Variants in CRYBA1 observed in about 807,000 individuals in gnomAD.
CRYBA1 encodes the protein crystallin beta A1, also known as beta-crystallin A3.
In CRYBA1, 25 loss-of-function variants were observed where a neutral mutation model predicts 36.2. That is an observed-to-expected ratio of 0.69 (90% CI 0.50 to 0.97). The LOEUF is 0.97. Among genes scored for constraint, CRYBA1 ranks in the 50% least tolerant of loss-of-function variants. CRYBA1 has a pLI of 0.00. For missense variants in CRYBA1, 224 were observed against 276.3 expected (o/e 0.81, Z 1.34); for synonymous variants, 111 against 90.0 (o/e 1.23, Z -1.32).
At chr17:29,251,796 A>T (rs2068936853) in intron 3 of CRYBA1, among the ~76,000 whole-genome samples, 1 of 152,170 alleles carries the variant, frequency 6.6e-6, no homozygotes, top group Non-Finnish European at 1.5e-5. Flanking sequence ...ATAATTTTAG[A>T]TTGGCTTTGC....
intron 4 of CRYBA1, 64 bp downstream of exon 4, chr17:29,252,269 T>G: frequency 8.8e-6 from 14 of 1,598,016 alleles, no homozygotes; most frequent in Non-Finnish European, 1.2e-5. Context: ...GTGGACAGAC[T>G]GACGTTCATG....
At chr17:29,252,017 C>T (rs760129543) in intron 3 of CRYBA1, 47 bp from the exon 4 acceptor site, 3 of 1,613,974 alleles carry the variant, frequency 1.9e-6, no homozygotes, top group Non-Finnish European at 2.5e-6. Context: ...TCCCCAAGGC[C>T]ATATAGGCTT....
chr17:29,246,981 G>C, intron 1 of CRYBA1, 87 bp downstream of exon 1: 2 of 1,413,696 alleles, frequency 1.4e-6, no homozygotes, highest in East Asian at 2.5e-5. Context: ...CTCCTGCCTA[G>C]TGTGTAGAGC....
intron 3 of CRYBA1, 79 bp from the exon 4 acceptor site, chr17:29,251,985 A>AGAT: frequency 6.3e-7 from 1 of 1,591,326 alleles, no homozygotes. Context: ...CTATTGACTT[A>AGAT]TCTAAAACGA....
intron 1 of CRYBA1, 140 bp from the exon 2 acceptor site, chr17:29,249,002 C>A: frequency 1.4e-6 from 1 of 702,566 alleles, no homozygotes; most frequent in South Asian, 1.5e-5. Flanking sequence ...AACCCCGAGG[C>A]ACAGCTAGTG....
At chr17:29,247,428 T>C (rs2068907399) in intron 1 of CRYBA1, among the ~76,000 whole-genome samples, 1 of 152,196 alleles carries the variant, frequency 6.6e-6, no homozygotes, top group African/African-American at 2.4e-5. Flanking sequence ...ATCTGTAAAA[T>C]GGGGATAATG....
intron 4 of CRYBA1, among the ~76,000 whole-genome samples, chr17:29,252,931 T>A (rs187014066): frequency 5.9e-5 from 9 of 152,358 alleles, no homozygotes; most frequent in Admixed American, 5.9e-4. Context: ...AAATAAATAG[T>A]TGCCTGTCTG....
chr17:29,250,347 T>TG, intron 3 of CRYBA1, 47 bp downstream of exon 3: 1 of 1,058,040 alleles, frequency 9.5e-7, no homozygotes, highest in Non-Finnish European at 1.5e-6. Context: ...TTCAGGTCCC[T>TG]TCAGACAGGG....
intron 4 of CRYBA1, 83 bp from the exon 5 acceptor site, chr17:29,253,555 CAA>C (rs747029035): frequency 1.3e-4 from 157 of 1,167,550 alleles, no homozygotes; most frequent in South Asian, 7.2e-4. Context: ...TTGTATAATC[CAA>C]AAGTGTTTCA....
chr17:29,253,344 A>T (rs2068947625), intron 4 of CRYBA1, among the ~76,000 whole-genome samples: 1 of 152,208 alleles, frequency 6.6e-6, no homozygotes. Context: ...TTTTCACATT[A>T]GTGAATATTA....
rs142214642 is a variant in CRYBA1 at position 29,254,313 on chromosome 17, T to C, written c.612T>C (p.Thr204=). The C allele has an allele frequency of 1.4e-4, 221 of 1,614,046 alleles. No individual in the cohort carries two copies. Among genetic ancestry groups the C allele is most frequent in the Non-Finnish European group, 3.6e-5 (42 of 1,180,030 alleles). Residue 204 remains threonine, a synonymous_variant, in exon 6 of 6, where the codon ACT becomes ACC. Transcript: ENST00000225387. ...GAGAGTGGGGCTCTCATGCCCAGAC[T>C]TCGCAGATCCAATCGATTCGCCGAA... The part of the protein sequence containing the change: ...HWREWGSHAQ[T]SQIQSIRRIQ...
intron 1 of CRYBA1, among the ~76,000 whole-genome samples, chr17:29,248,490 G>A (rs531525981): frequency 6.3e-4 from 95 of 150,180 alleles, no homozygotes; most frequent in Non-Finnish European, 9.6e-4. Context: ...TCAGCCTCCC[G>A]AGTAGCTGGG....
chr17:29,250,124 C>A, intron 2 of CRYBA1, 58 bp from the exon 3 acceptor site: 1 of 971,894 alleles, frequency 1.0e-6, no homozygotes, highest in Non-Finnish European at 1.7e-6. Flanking sequence ...AGCTGTTGAC[C>A]TGGACCTCTG....
chr17:29,249,891 G>A (rs1338559733), intron 2 of CRYBA1, among the ~76,000 whole-genome samples: 1 of 149,570 alleles, frequency 6.7e-6, no homozygotes, highest in Non-Finnish European at 1.5e-5. Flanking sequence ...TGGAATGGGA[G>A]CCCATAAGTC....
At chr17:29,250,495 G>A (rs1007604415) in intron 3 of CRYBA1, among the ~76,000 whole-genome samples, 195 bp downstream of exon 3, 2 of 152,134 alleles carry the variant, frequency 1.3e-5, no homozygotes, top group African/African-American at 2.4e-5. Context: ...GGTTCTTAGT[G>A]GCTTGGTACT....
intron 1 of CRYBA1, among the ~76,000 whole-genome samples, chr17:29,247,495 C>G (rs1243308930): frequency 6.6e-6 from 1 of 152,226 alleles, no homozygotes; most frequent in Non-Finnish European, 1.5e-5. Flanking sequence ...GCATGTAAAG[C>G]ATTTAAAACA....
chr17:29,250,427 C>T (rs2068928969), intron 3 of CRYBA1, 127 bp downstream of exon 3: 4 of 748,006 alleles, frequency 5.3e-6, no homozygotes, highest in South Asian at 2.8e-5. Context: ...AGACAGGCCT[C>T]GAAAGAAATC....
chr17:29,254,274 C>T lies in CRYBA1; in HGVS notation c.573C>T (p.Asp191=), dbSNP rs148692872. ...YILECDHHGG[D]YKHWREWGSH... ...TGGAATGTGACCATCATGGAGGAGA[C>T]TATAAACATTGGAGAGAGTGGGGCT... The change falls in exon 6 of 6, where the codon GAC becomes GAT. Residue 191 remains aspartate, a synonymous_variant. Transcript: ENST00000225387. 5.3e-5 allele frequency: 86 copies of T among 1,613,946 alleles called. No individual in the cohort carries two copies. Among genetic ancestry groups the T allele is most frequent in the Non-Finnish European group, 1.4e-5 (16 of 1,179,990 alleles).
intron 1 of CRYBA1, among the ~76,000 whole-genome samples, chr17:29,247,100 G>C (rs1169874033): frequency 6.6e-6 from 1 of 152,250 alleles, no homozygotes; most frequent in Non-Finnish European, 1.5e-5. Context: ...TAGCAACTAA[G>C]GCTGGGGGAT....
Sources: gnomAD v4.1 joint callset for allele counts (sites outside exome capture counted in the v4.1 genomes callset) on GRCh38, gnomAD v4.1.1 for gene constraint, MANE v1.5 for transcripts, NCBI Gene and HGNC (gene_info 2026-07-23, HGNC 2026-07-21) for gene names.